The following TRPC7 variants were observed in gnomAD, a reference collection of about 807,000 sequenced individuals.
The protein encoded by TRPC7 is short transient receptor potential channel 7.
A neutral mutation model predicts 90.1 loss-of-function variants in TRPC7; 42 were observed. The ratio of observed to expected loss-of-function variants is 0.47; its 90% CI spans 0.36 to 0.60. The LOEUF (loss-of-function observed/expected upper bound fraction) is 0.60, where lower values mean the gene tolerates loss of function less well. Ranked by LOEUF, TRPC7 falls within the 20% of genes least tolerant of loss-of-function variation. The pLI is 0.00. For synonymous variants in TRPC7, 451 were observed against 436.3 expected (o/e 1.03, Z -0.42); for missense variants, 955 against 1,112.3 (o/e 0.86, Z 2.01).
In TRPC7 at chr5:136,213,059, C is replaced by T. The variant is rs557823962; in HGVS notation, c.*376G>A. ...TTGTGGGTTGAGGTGTTTGTCTTCC[C>T]AGGACACAGCCAGAGCTGCAGTCCC... On this transcript the variant is annotated 3_prime_UTR_variant, in exon 12 of 12. Transcript: ENST00000513104. Among the ~76,000 whole-genome samples the T allele has an allele frequency of 6.6e-6, 1 of 152,252 alleles. No individual in the cohort carries two copies. Among genetic ancestry groups the T allele is most frequent in the East Asian group, 1.9e-4 (1 of 5,168 alleles).
At chr5:136,311,305 A>G (rs1253310244) in intron 3 of TRPC7, among the ~76,000 whole-genome samples, 2 of 152,208 alleles carry the variant, frequency 1.3e-5, no homozygotes, top group Non-Finnish European at 2.9e-5. Context: ...AGCAATCTAG[A>G]GGAGAGAGAG....
At chr5:136,236,380 TC>T (rs1755982388) in intron 7 of TRPC7, among the ~76,000 whole-genome samples, 1 of 152,222 alleles carries the variant, frequency 6.6e-6, no homozygotes, top group Non-Finnish European at 1.5e-5. Context: ...TTTCTTCTAA[TC>T]TTCAAAGATC....
intron 8 of TRPC7, among the ~76,000 whole-genome samples, chr5:136,231,078 C>T (rs1258937351): frequency 3.3e-5 from 5 of 152,138 alleles, no homozygotes; most frequent in African/African-American, 2.4e-5. Flanking sequence ...GTCATCTGCA[C>T]GAGGTCCTGA....
At chr5:136,286,357 T>A (rs1757718025) in intron 3 of TRPC7, among the ~76,000 whole-genome samples, 1 of 152,218 alleles carries the variant, frequency 6.6e-6, no homozygotes, top group African/African-American at 2.4e-5. Flanking sequence ...TTGATGAGGA[T>A]GCTGCGACAC....
At chr5:136,343,020 T>C (rs1759892702) in intron 2 of TRPC7, among the ~76,000 whole-genome samples, 2 of 152,054 alleles carry the variant, frequency 1.3e-5, no homozygotes, top group Non-Finnish European at 2.9e-5. Flanking sequence ...GATTATTTAA[T>C]GGATGAAACT....
Position 136,247,718 on chromosome 5 carries a change from G to T in TRPC7, c.1597C>A (p.Pro533Thr), listed in dbSNP as rs1232863025. The change falls in exon 7 of 12, where the codon CCT (proline) becomes ACT (threonine). Residue 533 changes from proline (P) to threonine (T), a missense_variant. Around this residue, in one of 4 missense-constraint regions of TRPC7, gnomAD observed 296 missense variants for 422.7 expected, o/e 0.70. Transcript: ENST00000513104. This position sits in a 1 kb window ranked among gnomAD's most constrained non-coding sequence, Gnocchi z 4.2. ...YFTYARDKWW[P>T]SDPQIISEGL... ...TCCGATATGATCTGAGGGTCTGAAG[G>T]CCACCACTTGTCCCTGGCTAAAAGA... 1 of 1,612,812 alleles carries T rather than the reference G, an allele frequency of 6.2e-7. No individual in the cohort carries two copies. Among genetic ancestry groups the T allele is most frequent in the East Asian group, 2.2e-5 (1 of 44,854 alleles).
At chr5:136,339,329 A>G (rs1246198258) in intron 2 of TRPC7, among the ~76,000 whole-genome samples, 1 of 152,200 alleles carries the variant, frequency 6.6e-6, no homozygotes, top group Non-Finnish European at 1.5e-5. Context: ...TTGTAAACCT[A>G]ATAAATTGGC....
At chr5:136,263,400 C>T (rs995242351) in intron 5 of TRPC7, among the ~76,000 whole-genome samples, 7 of 152,144 alleles carry the variant, frequency 4.6e-5, no homozygotes, top group Admixed American at 3.3e-4. Flanking sequence ...CTGTAACATG[C>T]GGAGTGCCCA....
intron 11 of TRPC7, 123 bp from the exon 12 acceptor site, chr5:136,213,727 T>C (rs984528422): frequency 1.7e-5 from 19 of 1,089,862 alleles, no homozygotes; most frequent in Non-Finnish European, 2.2e-5. Flanking sequence ...CCCACCAGGG[T>C]TGAAGGTGAG....
At chr5:136,357,463 A>G in intron 1 of TRPC7, 78 bp from the exon 2 acceptor site, 6 of 1,382,976 alleles carry the variant, frequency 4.3e-6, no homozygotes, top group Non-Finnish European at 5.8e-6. Flanking sequence ...TGGTTGAGAT[A>G]CACAAAGAAT....
intron 10 of TRPC7, among the ~76,000 whole-genome samples, chr5:136,219,962 G>A (rs1755400076): frequency 6.6e-6 from 1 of 152,194 alleles, no homozygotes; most frequent in Non-Finnish European, 1.5e-5. Context: ...CTGAATGGAG[G>A]GAACGGCTGG....
intron 3 of TRPC7, among the ~76,000 whole-genome samples, chr5:136,302,907 C>T (rs1318588757): frequency 6.6e-6 from 1 of 152,090 alleles, no homozygotes; most frequent in Non-Finnish European, 1.5e-5. Flanking sequence ...TCAGTCCCAA[C>T]CCCAAGCGTC....
At position 136,356,860 on chromosome 5, in the gene TRPC7, C is replaced by G; in HGVS notation, c.528G>C (p.Glu176Asp). 6.2e-7 allele frequency: 1 copy of G among 1,613,932 alleles called. No homozygotes were observed. Among genetic ancestry groups the G allele is most frequent in the Non-Finnish European group, 8.5e-7 (1 of 1,179,934 alleles). ...TPIILAAHCQ[E>D]YEIVHILLLK... ...GCAGCAGGATGTGCACGATCTCATA[C>G]TCCTGGCAGTGCGCCGCCAGGATGA... Residue 176 changes from glutamate to aspartate, a missense_variant, in exon 2 of 12, where the codon GAG becomes GAC. By Grantham distance (45) the Glu-to-Asp change is conservative (BLOSUM62 2). Transcript: ENST00000513104.
intron 5 of TRPC7, 56 bp from the exon 6 acceptor site, chr5:136,251,938 C>A: frequency 7.0e-7 from 1 of 1,420,240 alleles, no homozygotes; most frequent in South Asian, 1.2e-5. Context: ...CATTTGTGAC[C>A]GCATGAGGTC....
chr5:136,348,745 G>A (rs1337186664), intron 2 of TRPC7, among the ~76,000 whole-genome samples: 1 of 152,234 alleles, frequency 6.6e-6, no homozygotes, highest in East Asian at 1.9e-4. Flanking sequence ...TATAGATCTT[G>A]TCCCCATCCT....
chr5:136,263,300 T>C (rs1427943802), intron 5 of TRPC7, among the ~76,000 whole-genome samples: 1 of 152,174 alleles, frequency 6.6e-6, no homozygotes. Flanking sequence ...GAGAAAGCTT[T>C]ACATGGATCA....
chr5:136,253,979 C>T (rs2149806936), intron 5 of TRPC7, among the ~76,000 whole-genome samples: 1 of 152,286 alleles, frequency 6.6e-6, no homozygotes, highest in East Asian at 1.9e-4. Flanking sequence ...ATTGATTAAA[C>T]CAGCTATGGC....
At chr5:136,351,197 G>T (rs1165195857) in intron 2 of TRPC7, among the ~76,000 whole-genome samples, 3 of 152,066 alleles carry the variant, frequency 2.0e-5, no homozygotes, top group African/African-American at 7.2e-5. Context: ...TGGAACCGTG[G>T]ATAGATACAG....
intron 8 of TRPC7, among the ~76,000 whole-genome samples, chr5:136,226,625 A>G (rs1755638540): frequency 6.6e-6 from 1 of 152,190 alleles, no homozygotes; most frequent in Admixed American, 6.5e-5. Context: ...CTGATTCACC[A>G]GCCACCACAG....
Sources: gnomAD v4.1 joint callset for allele counts (sites outside exome capture counted in the v4.1 genomes callset) on GRCh38, gnomAD v4.1.1 for gene constraint, gnomAD v4.1.1 regional missense constraint, Gnocchi (gnomAD v3.1) non-coding constraint, MANE v1.5 for transcripts, NCBI Gene and HGNC (gene_info 2026-07-23, HGNC 2026-07-21) for gene names.